Variants in SGCZ observed in about 807,000 individuals in gnomAD.
SGCZ encodes the protein sarcoglycan zeta, also known as zeta-sarcoglycan.
SGCZ carries 40 observed loss-of-function variants against 41.3 expected under a neutral mutation model. The observed-to-expected ratio is 0.97, with a 90% CI of 0.75 to 1.26. SGCZ has a LOEUF of 1.26. Among genes scored for constraint, SGCZ ranks in the 50% most tolerant of loss-of-function variants. SGCZ has a pLI of 0.00. For missense variants in SGCZ, 552 were observed against 369.8 expected, an observed-to-expected ratio of 1.49 and a Z score of -4.04; for synonymous variants, 206 against 137.5, an observed-to-expected ratio of 1.50 and a Z score of -3.49.
Position 15,033,842 on chromosome 8 carries a change from C to T in SGCZ, c.39+203743G>A, listed in dbSNP as rs563915672. On this transcript the variant is annotated intron_variant, in intron 1 of 7. Transcript: ENST00000382080. ...ACAGATTGACTCCAGTGGATTCAGG[C>T]ACCGTACTCAACCCCACAGACCCAT... is the stretch of plus-strand genomic sequence containing the variant. 2.5e-4 allele frequency among the ~76,000 whole-genome samples: 38 copies of T among 152,224 alleles called. 1 individual carries two copies. Among genetic ancestry groups the T allele is most frequent in the Admixed American group, 1.3e-3 (20 of 15,296 alleles).
intron 1 of SGCZ, among the ~76,000 whole-genome samples, chr8:15,110,701 G>A (rs1226327359): frequency 1.3e-5 from 2 of 152,196 alleles, no homozygotes; most frequent in African/African-American, 4.8e-5. Context: ...AGGCGTGGTG[G>A]CTCACTCCTG....
chr8:14,544,478 C>G (rs752261784), intron 2 of SGCZ, among the ~76,000 whole-genome samples: 2 of 152,024 alleles, frequency 1.3e-5, no homozygotes, highest in Admixed American at 6.6e-5. Context: ...AGCCTATAAA[C>G]GGACGTGCAA....
chr8:14,750,326 C>T lies in SGCZ; in HGVS notation c.40-195400G>A, dbSNP rs115449875. ...AAGGTTTTATGACATTAAAGATTCA[C>T]AGAAACATTTTTAATGGAGGTAATA... On this transcript the variant is annotated intron_variant, in intron 1 of 7. Transcript: ENST00000382080. Among the ~76,000 whole-genome samples, 844 of 152,160 alleles carry T rather than the reference C, an allele frequency of 5.5e-3. 8 individuals are homozygous for T. Among genetic ancestry groups the T allele is most frequent in the African/African-American group, 0.017 (714 of 41,534 alleles).
chr8:14,191,369 G>C (rs1226093129), intron 4 of SGCZ, among the ~76,000 whole-genome samples: 2 of 151,990 alleles, frequency 1.3e-5, no homozygotes, highest in Non-Finnish European at 2.9e-5. Flanking sequence ...TGCTTCTGTT[G>C]CCTGCGCCAT....
intron 5 of SGCZ, among the ~76,000 whole-genome samples, chr8:14,149,766 A>C (rs1277380562): frequency 6.6e-6 from 1 of 152,108 alleles, no homozygotes; most frequent in Non-Finnish European, 1.5e-5. Flanking sequence ...ACATCACCTG[A>C]CTTCAGATTA....
intron 1 of SGCZ, among the ~76,000 whole-genome samples, chr8:15,003,957 G>C (rs941237786): frequency 1.1e-4 from 16 of 152,124 alleles, no homozygotes; most frequent in Non-Finnish European, 2.9e-5. Context: ...ACCCTTCAAT[G>C]TGTTAGAGTA....
At chr8:15,052,959 T>G (rs891033026) in intron 1 of SGCZ, among the ~76,000 whole-genome samples, 2 of 152,134 alleles carry the variant, frequency 1.3e-5, no homozygotes, top group African/African-American at 4.8e-5. Flanking sequence ...CTTGATTCCT[T>G]TGACCACACT....
chr8:14,801,544 T>C lies in SGCZ; in HGVS notation c.40-246618A>G, dbSNP rs370552985. Among the ~76,000 whole-genome samples the C allele has an allele frequency of 4.3e-3, 661 of 152,326 alleles. 2 individuals are homozygous for C. The highest frequency in any genetic ancestry group is 0.011 in the East Asian group (59 of 5,186). ...TTATGTTTATTTTCACCTTGTTTAC[T>C]TCCAGGGAAAGAACAGATCGTAAAG... is the stretch of plus-strand genomic sequence containing the variant. On this transcript the variant is annotated intron_variant, in intron 1 of 7. Coordinates refer to ENST00000382080, the MANE Select transcript of SGCZ (RefSeq NM_139167.4).
At chr8:14,575,103 C>T (rs1434845228) in intron 1 of SGCZ, among the ~76,000 whole-genome samples, 1 of 151,984 alleles carries the variant, frequency 6.6e-6, no homozygotes, top group Non-Finnish European at 1.5e-5. Flanking sequence ...TGATTTTTTG[C>T]TTCAAAATGA....
At chr8:14,579,193 C>T (rs905916522) in intron 1 of SGCZ, among the ~76,000 whole-genome samples, 1 of 152,124 alleles carries the variant, frequency 6.6e-6, no homozygotes, top group Non-Finnish European at 1.5e-5. Flanking sequence ...AAAATGTCAA[C>T]AGCCAATGTT....
At chr8:14,995,813 C>T (rs970671729) in intron 1 of SGCZ, among the ~76,000 whole-genome samples, 66 of 152,248 alleles carry the variant, frequency 4.3e-4, no homozygotes, top group African/African-American at 1.5e-3. Flanking sequence ...GCATTAATCT[C>T]ACCAGAAAAT....
At position 14,881,545 on chromosome 8, in the gene SGCZ, G is replaced by C. The variant is rs899661158; in HGVS notation, c.40-326619C>G. ...ACATCAGCCTCAGCCAACCTCAAGAGAAGCTCTGGAGTGAGCCATGGCCCT... is the reference window on the plus strand; with the variant it reads ...ACATCAGCCTCAGCCAACCTCAAGACAAGCTCTGGAGTGAGCCATGGCCCT... On this transcript the variant is annotated intron_variant, in intron 1 of 7. Transcript: ENST00000382080. Among the ~76,000 whole-genome samples, 28 of 152,272 alleles carry C rather than the reference G, an allele frequency of 1.8e-4. 3 individuals are homozygous for C. The highest frequency in any genetic ancestry group is 1.6e-3 in the Admixed American group (25 of 15,298).
chr8:14,257,715 G>A (rs912322709), intron 3 of SGCZ, among the ~76,000 whole-genome samples: 2 of 150,100 alleles, frequency 1.3e-5, no homozygotes, highest in Admixed American at 6.7e-5. Flanking sequence ...TCCCACCTAT[G>A]AGTGAGAACA....
At chr8:14,873,106 C>G (rs1180732448) in intron 1 of SGCZ, among the ~76,000 whole-genome samples, 1 of 152,026 alleles carries the variant, frequency 6.6e-6, no homozygotes, top group African/African-American at 2.4e-5. Context: ...ACAGCAGTTA[C>G]TTAATAATGG....
At chr8:14,527,106 G>C (rs1210760745) in intron 2 of SGCZ, among the ~76,000 whole-genome samples, 1 of 152,120 alleles carries the variant, frequency 6.6e-6, no homozygotes, top group African/African-American at 2.4e-5. Flanking sequence ...GTGACATGAA[G>C]TTAAGAAAAT....
intron 1 of SGCZ, among the ~76,000 whole-genome samples, chr8:14,784,913 A>ATATATATATATATAT: frequency 1.1e-5 from 1 of 88,038 alleles, no homozygotes; most frequent in African/African-American, 4.7e-5. Context: ...AAAAAAAAAA[A>ATATATATATATATAT]ATATATATAT....
chr8:14,290,878 A>G (rs1800816763), intron 3 of SGCZ, among the ~76,000 whole-genome samples: 1 of 152,146 alleles, frequency 6.6e-6, no homozygotes, highest in Non-Finnish European at 1.5e-5. Context: ...TGTTGAAGAG[A>G]TATCTGCACT....
In SGCZ at chr8:14,173,122, A is replaced by G. The variant is rs546473351; in HGVS notation, c.425-8420T>C. The stretch of plus-strand genomic sequence containing the variant: ...TCTAGAAAGTCTAAAATCATACTTG[A>G]ACAGGAGCAAGCTGATATGCTAATA... On this transcript the variant is annotated intron_variant, in intron 4 of 7. Transcript: ENST00000382080. Among the ~76,000 whole-genome samples the G allele has an allele frequency of 5.1e-4, 77 of 152,198 alleles. 1 individual carries two copies. In the South Asian group the frequency reaches 0.016, roughly 31 times the overall value.
chr8:14,959,540 A>G (rs1800897854), intron 1 of SGCZ, among the ~76,000 whole-genome samples: 2 of 152,302 alleles, frequency 1.3e-5, no homozygotes, highest in South Asian at 2.1e-4. Context: ...TGAATGAATC[A>G]TTTAACAATA....
Sources: gnomAD v4.1 joint callset for allele counts (sites outside exome capture counted in the v4.1 genomes callset) on GRCh38, gnomAD v4.1.1 for gene constraint, MANE v1.5 for transcripts, NCBI Gene and HGNC (gene_info 2026-07-23, HGNC 2026-07-21) for gene names.